The following DNAL1 variants were observed in gnomAD, a reference collection of about 807,000 sequenced individuals.
DNAL1 encodes dynein axonemal light chain 1, also known as chromosome 14 open reading frame 168.
A neutral mutation model predicts 29.4 loss-of-function variants in DNAL1; 17 were observed. The observed-to-expected ratio is 0.58, with a 90% confidence interval of 0.40 to 0.87. The LOEUF is 0.87. Ranked by LOEUF, DNAL1 falls within the 40% of genes least tolerant of loss-of-function variation. DNAL1 has a pLI of 0.00. For missense variants in DNAL1, 188 were observed against 214.1 expected (o/e 0.88, Z 0.76); for synonymous variants, 78 against 76.3 (o/e 1.02, Z -0.12).
intron 2 of DNAL1, 139 bp from the exon 3 acceptor site, chr14:73,658,708 G>A (rs1359272654): frequency 1.7e-5 from 9 of 536,428 alleles, no homozygotes. Context: ...ATAAGTTAAT[G>A]GTAAAGAATT....
At chr14:73,695,140 G>C (rs1456625649) in intron 7 of DNAL1, among the ~76,000 whole-genome samples, 1 of 139,142 alleles carries the variant, frequency 7.2e-6, no homozygotes, top group African/African-American at 2.7e-5. Flanking sequence ...ACCATAGCCT[G>C]GACATCCCAG....
intron 1 of DNAL1, among the ~76,000 whole-genome samples, chr14:73,652,897 G>A (rs1212302214): frequency 1.3e-5 from 2 of 151,666 alleles, no homozygotes; most frequent in Admixed American, 6.6e-5. Context: ...TTAACCCAAG[G>A]GTTGCTTATT....
At chr14:73,684,636 C>A (rs1455667973) in intron 5 of DNAL1, among the ~76,000 whole-genome samples, 1 of 152,124 alleles carries the variant, frequency 6.6e-6, no homozygotes, top group African/African-American at 2.4e-5. Context: ...GTGGCTCACG[C>A]CTATAGTCCT....
chr14:73,695,901 G>GAAATTACTCCA lies in DNAL1; in HGVS notation c.533-1_533insAAATTACTCCA (p.Gly178GlufsTer8). On this transcript the variant is annotated frameshift_variant and splice_region_variant. Transcript: ENST00000553645. LOFTEE classifies it high-confidence loss of function. ...AGTAATAATTTTCTTTTTCATTTTAGGTACTCCAGTAATTAAAGGGGATGA... is the reference window on the plus strand; with the variant it reads ...AGTAATAATTTTCTTTTTCATTTTAGAAATTACTCCAGTACTCCAGTAATTAAAGGGGATGA... The GAAATTACTCCA allele has an allele frequency of 6.3e-7, 1 of 1,577,558 alleles. No homozygotes were observed. The highest frequency in any genetic ancestry group is 8.6e-7 in the Non-Finnish European group (1 of 1,160,446).
chr14:73,695,305 A>G (rs533876371), intron 7 of DNAL1, among the ~76,000 whole-genome samples: 7 of 150,968 alleles, frequency 4.6e-5, no homozygotes, highest in Admixed American at 1.3e-4. Context: ...CGCTTCTCTC[A>G]TCTGGCCTCC....
Position 73,696,026 on chromosome 14 carries a change from TTCTG to T in DNAL1, c.*86_*89del. 3 of 1,292,950 alleles carry T rather than the reference TTCTG, an allele frequency of 2.3e-6. No individual in the cohort carries two copies. Among genetic ancestry groups the T allele is most frequent in the Non-Finnish European group, 3.2e-6 (3 of 933,540 alleles). 80.1% of individuals were successfully genotyped at this position (1,292,950 alleles called of 1,614,324 possible). ...TTTATATAATTGTCTATTTTAAAGATTCTGTATGGGACAAAAGTTTCTTAAGATA... is the reference window on the plus strand; with the variant it reads ...TTTATATAATTGTCTATTTTAAAGATTATGGGACAAAAGTTTCTTAAGATA... On this transcript the variant is annotated 3_prime_UTR_variant, in exon 8 of 8. Transcript: ENST00000553645.
intron 5 of DNAL1, among the ~76,000 whole-genome samples, chr14:73,672,459 C>G (rs1891635330): frequency 6.6e-6 from 1 of 151,392 alleles, no homozygotes. Flanking sequence ...TACAAAAAAA[C>G]TAGCTGGGTG....
At chr14:73,646,910 G>C (rs7153752) in intron 1 of DNAL1, among the ~76,000 whole-genome samples, 34,284 of 151,970 alleles carry the variant, frequency 0.23, 5,044 homozygotes, top group Non-Finnish European at 0.33. Flanking sequence ...AGCAGACCTG[G>C]GTCCCTCCAG....
chr14:73,665,686 G>A (rs1354835897), intron 4 of DNAL1, among the ~76,000 whole-genome samples: 2 of 151,962 alleles, frequency 1.3e-5, no homozygotes, highest in Non-Finnish European at 2.9e-5. Context: ...AGCTACGTGG[G>A]AGGCTGAGGC....
Position 73,696,000 on chromosome 14 carries a change from T to C in DNAL1, c.*58T>C. Reference sequence around the variant, plus strand: ...AAATGTCATAAGAACAATAGATAAATTTTATATAATTGTCTATTTTAAAGA... The same window carrying C: ...AAATGTCATAAGAACAATAGATAAACTTTATATAATTGTCTATTTTAAAGA... On this transcript the variant is annotated 3_prime_UTR_variant, in exon 8 of 8. Transcript: ENST00000553645. 1 of 1,435,646 alleles carries C rather than the reference T, an allele frequency of 7.0e-7. No individual in the cohort carries two copies. The highest frequency in any genetic ancestry group is 1.3e-5 in the South Asian group (1 of 76,452). 88.9% of individuals were successfully genotyped at this position (1,435,646 alleles called of 1,614,324 possible).
chr14:73,693,792 C>G (rs8011534), intron 7 of DNAL1, among the ~76,000 whole-genome samples: 6,791 of 152,222 alleles, frequency 0.045, 525 homozygotes, highest in African/African-American at 0.15. Flanking sequence ...GGTATAGTGA[C>G]TGGCAGGGGG....
intron 4 of DNAL1, among the ~76,000 whole-genome samples, chr14:73,667,836 TC>T (rs970867510): frequency 1.3e-5 from 2 of 152,214 alleles, no homozygotes; most frequent in Non-Finnish European, 2.9e-5. Flanking sequence ...AGTCCATTTT[TC>T]CAGTTGTTCA....
chr14:73,687,156 G>C, intron 5 of DNAL1, 103 bp from the exon 6 acceptor site: 1 of 1,393,724 alleles, frequency 7.2e-7, no homozygotes, highest in East Asian at 2.4e-5. Flanking sequence ...TAGACAGGCA[G>C]GGTCTAAGTT....
intron 7 of DNAL1, among the ~76,000 whole-genome samples, chr14:73,691,633 C>A (rs867802088): frequency 1.3e-5 from 2 of 152,130 alleles, no homozygotes; most frequent in Admixed American, 6.5e-5. Context: ...CAATATAAAT[C>A]GACCTCATTT....
chr14:73,695,211 C>A (rs1365400566), intron 7 of DNAL1, among the ~76,000 whole-genome samples: 1 of 151,770 alleles, frequency 6.6e-6, no homozygotes, highest in Non-Finnish European at 1.5e-5. Context: ...CTCACACCAC[C>A]ATGCCTGGCT....
intron 4 of DNAL1, among the ~76,000 whole-genome samples, chr14:73,663,950 C>A (rs1353217928): frequency 6.6e-6 from 1 of 152,178 alleles, no homozygotes; most frequent in Non-Finnish European, 1.5e-5. Flanking sequence ...TATCTCTAGG[C>A]AGGCATCAAA....
At chr14:73,658,311 T>A (rs978412974) in intron 2 of DNAL1, among the ~76,000 whole-genome samples, 1 of 152,236 alleles carries the variant, frequency 6.6e-6, no homozygotes, top group Non-Finnish European at 1.5e-5. Context: ...GTTCGCCTTA[T>A]AATATATCTT....
intron 2 of DNAL1, among the ~76,000 whole-genome samples, chr14:73,656,739 C>CT (rs1167057898): frequency 6.7e-6 from 1 of 150,192 alleles, no homozygotes; most frequent in Non-Finnish European, 1.5e-5. Flanking sequence ...GCATTTTTGA[C>CT]TTTAAGATTA....
At chr14:73,692,556 G>T (rs1892199815) in intron 7 of DNAL1, among the ~76,000 whole-genome samples, 1 of 151,768 alleles carries the variant, frequency 6.6e-6, no homozygotes. Flanking sequence ...CTATTCGGGA[G>T]GCTGGGGCAG....
Sources: gnomAD v4.1 joint callset for allele counts (sites outside exome capture counted in the v4.1 genomes callset) on GRCh38, gnomAD v4.1.1 for gene constraint, MANE v1.5 for transcripts, NCBI Gene and HGNC (gene_info 2026-07-23, HGNC 2026-07-21) for gene names.